Variants in ARFGEF3 observed in about 807,000 individuals in gnomAD.
ARFGEF3 encodes the protein ARFGEF family member 3.
In ARFGEF3, 96 loss-of-function variants were observed where a neutral mutation model predicts 221.7. The observed-to-expected ratio is 0.43, with a 90% confidence interval of 0.37 to 0.51. The LOEUF is 0.51. ARFGEF3 is among the 20% of genes least tolerant of loss of function. ARFGEF3 has a pLI of 0.00. For missense variants in ARFGEF3, 2,410 were observed against 2,789.9 expected (o/e 0.86, Z 3.07); for synonymous variants, 1,145 against 1,126.8 (o/e 1.02, Z -0.32).
At chr6:138,294,448 G>A (rs1466680158) in intron 20 of ARFGEF3, among the ~76,000 whole-genome samples, 1 of 152,196 alleles carries the variant, frequency 6.6e-6, no homozygotes, top group African/African-American at 2.4e-5. Flanking sequence ...CTTCACATGA[G>A]GGTGGAGCTT....
intron 2 of ARFGEF3, among the ~76,000 whole-genome samples, chr6:138,191,912 A>G (rs1777310592): frequency 6.6e-6 from 1 of 152,126 alleles, no homozygotes; most frequent in South Asian, 2.1e-4. Flanking sequence ...CCTCTGGTTA[A>G]TAATGATGAC....
intron 4 of ARFGEF3, among the ~76,000 whole-genome samples, chr6:138,225,631 T>C (rs945861263): frequency 2.6e-5 from 4 of 152,134 alleles, no homozygotes; most frequent in Non-Finnish European, 5.9e-5. Flanking sequence ...AGAACCTTAG[T>C]GAATAATGAC....
intron 17 of ARFGEF3, among the ~76,000 whole-genome samples, chr6:138,289,575 A>G (rs1779361238): frequency 6.6e-6 from 1 of 152,200 alleles, no homozygotes; most frequent in Non-Finnish European, 1.5e-5. Flanking sequence ...CCTGGAAGGA[A>G]TGGCACCTGC....
At chr6:138,325,437 G>A (rs187783172) in intron 31 of ARFGEF3, among the ~76,000 whole-genome samples, 4 of 152,140 alleles carry the variant, frequency 2.6e-5, no homozygotes, top group African/African-American at 9.7e-5. Context: ...CCTGACATCT[G>A]GGACTTCATG....
chr6:138,200,954 A>G (rs1343769956), intron 2 of ARFGEF3, among the ~76,000 whole-genome samples: 1 of 152,244 alleles, frequency 6.6e-6, no homozygotes, highest in Non-Finnish European at 1.5e-5. Flanking sequence ...TCCAGAATCT[A>G]CAATGAACTC....
chr6:138,218,814 G>A (rs543093716), intron 4 of ARFGEF3, among the ~76,000 whole-genome samples: 4 of 152,212 alleles, frequency 2.6e-5, no homozygotes, highest in African/African-American at 9.6e-5. Context: ...GAGTGAGGGT[G>A]TTATCTGGGG....
chr6:138,183,890 TC>T (rs1457231272), intron 2 of ARFGEF3, among the ~76,000 whole-genome samples: 1 of 152,138 alleles, frequency 6.6e-6, no homozygotes, highest in East Asian at 1.9e-4. Flanking sequence ...GGCCTCAACC[TC>T]CCCTGTGAGT....
At chr6:138,276,616 A>G (rs1779101546) in intron 12 of ARFGEF3, among the ~76,000 whole-genome samples, 1 of 152,120 alleles carries the variant, frequency 6.6e-6, no homozygotes, top group South Asian at 2.1e-4. Context: ...TAACTCACAT[A>G]CCACACAGTT....
chr6:138,194,569 A>G (rs1301768981), intron 2 of ARFGEF3, among the ~76,000 whole-genome samples: 1 of 152,220 alleles, frequency 6.6e-6, no homozygotes, highest in Non-Finnish European at 1.5e-5. Context: ...CCACACTCTA[A>G]GGCTGAAAGC....
chr6:138,175,231 A>G (rs941840898), intron 2 of ARFGEF3, among the ~76,000 whole-genome samples: 3 of 152,182 alleles, frequency 2.0e-5, no homozygotes, highest in African/African-American at 7.2e-5. Flanking sequence ...AATATGTACT[A>G]TGGAATATTT....
Position 138,334,939 on chromosome 6 carries a change from G to C in ARFGEF3, c.6093G>C (p.Lys2031Asn), listed in dbSNP as rs143006362. ...TISKLMTEYK[K>N]RKQQHNLSAF... Reference sequence around the variant, plus strand: ...CAAAGTTGATGACCGAATACAAAAAGAGGAAACAGCAGCACAACCTGTCCG... The same window carrying C: ...CAAAGTTGATGACCGAATACAAAAACAGGAAACAGCAGCACAACCTGTCCG... Residue 2031 changes from lysine (K) to asparagine (N), a missense_variant, in exon 33 of 34, where the codon AAG becomes AAC. Lys to Asn is a moderately conservative substitution (Grantham distance 94). This residue lies in a region of ARFGEF3 where 339 missense variants were observed against 334.9 expected (regional missense o/e 1.01). Transcript: ENST00000251691. This position sits in a 1 kb window ranked among gnomAD's most constrained non-coding sequence, Gnocchi z 5.1. The C allele has an allele frequency of 3.1e-6, 5 of 1,589,370 alleles. No homozygotes were observed. The highest frequency in any genetic ancestry group is 3.4e-6 in the Non-Finnish European group (4 of 1,168,496).
chr6:138,306,797 A>T (rs890937476), intron 22 of ARFGEF3, among the ~76,000 whole-genome samples: 6 of 152,060 alleles, frequency 3.9e-5, no homozygotes, highest in Non-Finnish European at 7.4e-5. Flanking sequence ...ATGGGTCATG[A>T]TGTGATCCAT....
chr6:138,333,689 A>C (rs958638894), intron 32 of ARFGEF3, among the ~76,000 whole-genome samples: 3 of 151,994 alleles, frequency 2.0e-5, no homozygotes, highest in African/African-American at 7.2e-5. Context: ...TGATCCGCCC[A>C]CCTCGGCCTT....
At position 138,207,066 on chromosome 6, in the gene ARFGEF3, G is replaced by A; in HGVS notation, c.162G>A (p.Gln54=). 1 of 1,610,964 alleles carries A rather than the reference G, an allele frequency of 6.2e-7. No homozygotes were observed. The highest frequency in any genetic ancestry group is 1.1e-5 in the South Asian group (1 of 89,850). ...VLREKCLLPL[Q]LALESKNVKL... ...GGGAGAAATGCCTGCTGCCTCTCCAGTTGGCTTTGGAATCCAAGAATGTGA... is the reference window on the plus strand; with the variant it reads ...GGGAGAAATGCCTGCTGCCTCTCCAATTGGCTTTGGAATCCAAGAATGTGA... The change falls in exon 3 of 34, where the codon CAG becomes CAA. Residue 54 remains glutamine, a synonymous_variant. Coordinates refer to ENST00000251691, the MANE Select transcript of ARFGEF3 (RefSeq NM_020340.5).
chr6:138,314,699 G>A (rs1249249736), intron 26 of ARFGEF3, among the ~76,000 whole-genome samples: 1 of 152,152 alleles, frequency 6.6e-6, no homozygotes, highest in Admixed American at 6.5e-5. Context: ...GGCAAGACAG[G>A]AGCAACATGC....
chr6:138,252,994 AATG>A (rs1778607284), intron 8 of ARFGEF3, among the ~76,000 whole-genome samples: 1 of 152,170 alleles, frequency 6.6e-6, no homozygotes, highest in African/African-American at 2.4e-5. Context: ...GGAACCCCAT[AATG>A]ATAACTTGGA....
At chr6:138,195,653 A>G (rs902940576) in intron 2 of ARFGEF3, among the ~76,000 whole-genome samples, 86 of 152,378 alleles carry the variant, frequency 5.6e-4, no homozygotes, top group African/African-American at 1.8e-3. Context: ...GTTACATTAT[A>G]CATAAAGATA....
intron 2 of ARFGEF3, among the ~76,000 whole-genome samples, chr6:138,203,375 A>C (rs1777571017): frequency 6.6e-6 from 1 of 152,182 alleles, no homozygotes; most frequent in Non-Finnish European, 1.5e-5. Flanking sequence ...ATTTAGAATA[A>C]GGGCAAGAAG....
intron 12 of ARFGEF3, among the ~76,000 whole-genome samples, chr6:138,271,678 G>A (rs551258112): frequency 6.6e-6 from 1 of 152,196 alleles, no homozygotes; most frequent in Admixed American, 6.5e-5. Context: ...TCATTACACT[G>A]CACAGTACCA....
Sources: allele counts gnomAD v4.1 joint callset (sites outside exome capture counted in the v4.1 genomes callset), GRCh38; gene constraint gnomAD v4.1.1; regional missense constraint gnomAD v4.1.1; non-coding constraint Gnocchi (gnomAD v3.1); transcripts MANE v1.5; gene names NCBI Gene and HGNC (gene_info 2026-07-23, HGNC 2026-07-21).